Variants in SEMA4B observed in about 807,000 individuals in gnomAD.
SEMA4B encodes semaphorin-4B.
A neutral mutation model predicts 88.1 loss-of-function variants in SEMA4B; 55 were observed. The ratio of observed to expected loss-of-function variants is 0.62; its 90% CI spans 0.50 to 0.78. SEMA4B has a LOEUF of 0.78. Among genes scored for constraint, SEMA4B ranks in the 30% least tolerant of loss-of-function variants. The pLI, the probability that SEMA4B is intolerant of heterozygous loss-of-function variation, is 0.00. For missense variants in SEMA4B, 1,062 were observed against 1,111.9 expected (o/e 0.96, Z 0.64); for synonymous variants, 525 against 473.6 (o/e 1.11, Z -1.41).
rs202078413 is a variant in SEMA4B at position 90,225,691 on chromosome 15, G to T, written c.1552G>T (p.Val518Leu). ...GCTGTATGCGGCCTCACACTCGGGC[G>T]TAGTCCAGGTGCCCATGGCCAACTG... is the stretch of plus-strand genomic sequence containing the variant. ...GLLYAASHSG[V>L]VQVPMANCSL... Residue 518 changes from valine to leucine, a missense_variant, in exon 12 of 14, where the codon GTA becomes TTA. Val to Leu is a conservative substitution (Grantham distance 32). Coordinates refer to ENST00000411539, the MANE Select transcript of SEMA4B (RefSeq NM_198925.4). 1.2e-5 allele frequency: 19 copies of T among 1,567,384 alleles called. No individual in the cohort carries two copies. Among genetic ancestry groups the T allele is most frequent in the Non-Finnish European group, 1.5e-5 (17 of 1,157,286 alleles).
At chr15:90,210,286 C>T (rs1001405752) in intron 1 of SEMA4B, among the ~76,000 whole-genome samples, 6 of 152,110 alleles carry the variant, frequency 3.9e-5, no homozygotes, top group Non-Finnish European at 7.4e-5. Flanking sequence ...GGCCCTTCTG[C>T]ACTGTGGGGT....
chr15:90,219,563 T>G, intron 3 of SEMA4B: 2 of 531,830 alleles, frequency 3.8e-6, no homozygotes, highest in East Asian at 3.2e-5. Flanking sequence ...GAAGGAAAGT[T>G]TGCCAGTCAC....
intron 9 of SEMA4B, 108 bp from the exon 10 acceptor site, chr15:90,224,860 T>C: frequency 1.1e-6 from 1 of 898,822 alleles, no homozygotes; most frequent in Non-Finnish European, 1.8e-6. Context: ...GTGCCCTGGC[T>C]CCGGGCGGGG....
chr15:90,192,462 C>T (rs1337574997), intron 1 of SEMA4B, among the ~76,000 whole-genome samples: 1 of 152,220 alleles, frequency 6.6e-6, no homozygotes, highest in African/African-American at 2.4e-5. Context: ...GTAGCCTGGA[C>T]ACTGCTGGCA....
At chr15:90,225,455 C>T (rs1962113899) in intron 11 of SEMA4B, 58 bp downstream of exon 11, 2 of 1,448,320 alleles carry the variant, frequency 1.4e-6, no homozygotes, top group Non-Finnish European at 9.5e-7. Flanking sequence ...TCCATTAGCA[C>T]CAAGCAGTCC....
At chr15:90,211,471 C>G (rs771282698) in intron 1 of SEMA4B, among the ~76,000 whole-genome samples, 3 of 152,192 alleles carry the variant, frequency 2.0e-5, no homozygotes, top group Admixed American at 2.0e-4. Context: ...GTCAGGGACT[C>G]GACTCTGGCA....
At position 90,223,707 on chromosome 15, in the gene SEMA4B, A is replaced by G. The variant is rs1025412450; in HGVS notation, c.1010A>G (p.Asp337Gly). 1 of 1,611,348 alleles carries G rather than the reference A, an allele frequency of 6.2e-7. No homozygotes were observed. Residue 337 changes from aspartate to glycine, a missense_variant, in exon 8 of 14, where the codon GAC becomes GGC. Transcript: ENST00000411539. ...AGCCCCAGCCCCCAGGACTGGCGTG[A>G]CACCCTTTTCTATGGGGTCTTCACT... ...TLSPSPQDWR[D>G]TLFYGVFTSQ...
At chr15:90,188,710 T>C (rs1299932664) in intron 1 of SEMA4B, among the ~76,000 whole-genome samples, 2 of 152,082 alleles carry the variant, frequency 1.3e-5, no homozygotes, top group Non-Finnish European at 2.9e-5. Flanking sequence ...AGAGTCTCGC[T>C]CACTCTGGGT....
intron 1 of SEMA4B, among the ~76,000 whole-genome samples, chr15:90,202,868 A>G (rs1005567402): frequency 3.9e-5 from 6 of 152,218 alleles, no homozygotes; most frequent in African/African-American, 1.4e-4. Context: ...ACAAAGGGAA[A>G]TAGTAGAATC....
intron 3 of SEMA4B, 147 bp from the exon 4 acceptor site, chr15:90,219,646 C>T (rs113943049): frequency 0.019 from 11,866 of 617,806 alleles, 171 homozygotes; most frequent in African/African-American, 0.057. Flanking sequence ...CCAGAAAACC[C>T]GTGGGTTCTT....
At chr15:90,190,948 A>T (rs1455525391) in intron 1 of SEMA4B, among the ~76,000 whole-genome samples, 1 of 151,948 alleles carries the variant, frequency 6.6e-6, no homozygotes, top group Non-Finnish European at 1.5e-5. Flanking sequence ...GCTAATTTTT[A>T]ATTTATTTTT....
intron 1 of SEMA4B, among the ~76,000 whole-genome samples, chr15:90,204,889 C>T (rs1357166515): frequency 1.3e-5 from 2 of 152,186 alleles, no homozygotes; most frequent in East Asian, 3.9e-4. Context: ...GATTCTCCTG[C>T]CTCAGCCTCT....
At position 90,228,898 on chromosome 15, in the gene SEMA4B, C is replaced by G; in HGVS notation, c.*255C>G. 1.7e-6 allele frequency: 1 copy of G among 576,516 alleles called. No individual in the cohort carries two copies. Among genetic ancestry groups the G allele is most frequent in the Non-Finnish European group, 3.1e-6 (1 of 325,006 alleles). The allele number at this position is 576,516 out of a possible 1,614,324, so 35.7% of individuals were successfully genotyped here. A position where few individuals can be genotyped will look rare whatever the true frequency, so the allele number is the denominator to read the frequency against. ...TGCCTAGGTTGGTGGAACAGTGCTCCTTATGTAAACTGAGCCCTTTGTTTA... is the reference window on the plus strand; with the variant it reads ...TGCCTAGGTTGGTGGAACAGTGCTCGTTATGTAAACTGAGCCCTTTGTTTA... On this transcript the variant is annotated 3_prime_UTR_variant, in exon 14 of 14. Transcript: ENST00000411539.
At position 90,214,861 on chromosome 15, in the gene SEMA4B, T is replaced by C; in HGVS notation, c.158-2578T>C. 4 of 654,114 alleles carry C rather than the reference T, an allele frequency of 6.1e-6. No individual in the cohort carries two copies. In the South Asian group the frequency reaches 7.5e-5, roughly 12 times the overall value. The allele number at this position is 654,114 out of a possible 1,614,324, so 40.5% of individuals were successfully genotyped here. A position where few individuals can be genotyped will look rare whatever the true frequency, so the allele number is the denominator to read the frequency against. On this transcript the variant is annotated intron_variant, in intron 1 of 13. Coordinates refer to ENST00000411539, the MANE Select transcript of SEMA4B (RefSeq NM_198925.4). ...AGATGTTTTTCTTCAGATTTGGGTT[T>C]TCTCTGCTCCTGATTTTAATGTTTA... is the stretch of plus-strand genomic sequence containing the variant.
intron 1 of SEMA4B, among the ~76,000 whole-genome samples, chr15:90,215,699 C>T (rs1961501187): frequency 6.6e-6 from 1 of 152,088 alleles, no homozygotes; most frequent in African/African-American, 2.4e-5. Flanking sequence ...GTAATCCCAG[C>T]TACTCGGGAG....
chr15:90,188,148 G>T (rs1178534374), intron 1 of SEMA4B, among the ~76,000 whole-genome samples: 1 of 151,906 alleles, frequency 6.6e-6, no homozygotes, highest in Non-Finnish European at 1.5e-5. Context: ...GTGAAACTCA[G>T]TCTCTACAAA....
intron 12 of SEMA4B, 77 bp downstream of exon 12, chr15:90,225,904 T>G: frequency 8.3e-7 from 1 of 1,207,242 alleles, no homozygotes; most frequent in South Asian, 1.9e-5. Flanking sequence ...TGGGCCCTCC[T>G]TGGGACCGCC....
chr15:90,200,785 GCCC>G (rs1960674807), upstream of SEMA4B, among the ~76,000 whole-genome samples: 1 of 152,228 alleles, frequency 6.6e-6, no homozygotes, highest in African/African-American at 2.4e-5. Flanking sequence ...AAGCGGACAA[GCCC>G]GCAGGGTGCC....
chr15:90,221,441 C>A lies in SEMA4B; in HGVS notation c.670C>A (p.Arg224Ser). Reference protein sequence around the residue: ...DPAISRSQSLRPTKTESSLNW... With the variant: ...DPAISRSQSLSPTKTESSLNW... ...GGCCATCTCGCGGAGCCAAAGCCTTCGCCCCACCAAGACCGAGAGCTCCCT... is the reference window on the plus strand; with the variant it reads ...GGCCATCTCGCGGAGCCAAAGCCTTAGCCCCACCAAGACCGAGAGCTCCCT... Residue 224 changes from arginine (R) to serine (S), a missense_variant, in exon 6 of 14, where the codon CGC becomes AGC. Transcript: ENST00000411539. 6.3e-7 allele frequency: 1 copy of A among 1,588,426 alleles called. No individual in the cohort carries two copies. Among genetic ancestry groups the A allele is most frequent in the Non-Finnish European group, 8.6e-7 (1 of 1,167,946 alleles).
Sources: allele counts gnomAD v4.1 joint callset (sites outside exome capture counted in the v4.1 genomes callset), GRCh38; gene constraint gnomAD v4.1.1; transcripts MANE v1.5; gene names NCBI Gene and HGNC (gene_info 2026-07-23, HGNC 2026-07-21).